ANK2: variants seen among roughly 807,000 people sequenced by gnomAD.
ANK2 encodes the protein ankyrin-2.
In ANK2, 83 loss-of-function variants were observed where a neutral mutation model predicts 360.5. That is an observed-to-expected ratio of 0.23 (90% CI 0.19 to 0.28). The LOEUF is 0.28. Ranked by LOEUF, ANK2 falls within the 10% of genes least tolerant of loss-of-function variation. ANK2 has a pLI of 1.00. For synonymous variants in ANK2, 1,740 were observed against 1,759.5 expected, an observed-to-expected ratio of 0.99 and a Z score of 0.28; for missense variants, 4,201 against 4,795.7, an observed-to-expected ratio of 0.88 and a Z score of 3.66.
rs2097176233 is a variant in ANK2, at chr4:113,381,674, A to T, written c.*203A>T. 4 of 1,536,596 alleles carry T rather than the reference A, an allele frequency of 2.6e-6. No individual in the cohort carries two copies. Among genetic ancestry groups the T allele is most frequent in the Non-Finnish European group, 3.5e-6 (4 of 1,144,586 alleles). The stretch of plus-strand genomic sequence containing the variant: ...CCAGTTCTCACACCAGAAACCACAC[A>T]TTCACTCAATATGCAGCTTCCTGTT... On this transcript the variant is annotated 3_prime_UTR_variant, in exon 46 of 46. Coordinates refer to ENST00000357077, the MANE Select transcript of ANK2 (RefSeq NM_001148.6).
At chr4:113,175,174 G>A (rs1012637675) in intron 2 of ANK2, among the ~76,000 whole-genome samples, 1 of 152,146 alleles carries the variant, frequency 6.6e-6, no homozygotes, top group Non-Finnish European at 1.5e-5. Context: ...TGTGTTGTGT[G>A]TATGTGTTTG....
chr4:113,287,546 A>T, intron 18 of ANK2, 59 bp from the exon 19 acceptor site: 4 of 1,221,932 alleles, frequency 3.3e-6, no homozygotes, highest in Non-Finnish European at 4.8e-6. Context: ...ATAATATTAT[A>T]GATGATGCAA....
chr4:113,318,001 G>T (rs2083850678), intron 25 of ANK2, among the ~76,000 whole-genome samples, 192 bp downstream of exon 25: 1 of 152,124 alleles, frequency 6.6e-6, no homozygotes, highest in South Asian at 2.1e-4. Context: ...AATGAGCAGT[G>T]TTTTTCTGAA....
intron 2 of ANK2, among the ~76,000 whole-genome samples, chr4:112,947,115 T>C (rs562475590): frequency 6.6e-6 from 1 of 152,352 alleles, no homozygotes; most frequent in South Asian, 2.1e-4. Flanking sequence ...TCACATAATA[T>C]TTTATTCTCT....
chr4:112,841,096 C>T (rs2061991703), intron 1 of ANK2, among the ~76,000 whole-genome samples: 1 of 152,142 alleles, frequency 6.6e-6, no homozygotes, highest in African/African-American at 2.4e-5. Context: ...GAAATTACAC[C>T]CTTCCCTTTG....
chr4:113,225,691 C>T (rs1239760845), intron 4 of ANK2, among the ~76,000 whole-genome samples: 1 of 152,102 alleles, frequency 6.6e-6, no homozygotes, highest in Non-Finnish European at 1.5e-5. Flanking sequence ...TTTGAAATGA[C>T]TTATAAATAT....
chr4:112,756,225 G>A, the ANK2 span, among the ~76,000 whole-genome samples: 3 of 145,414 alleles, frequency 2.1e-5, no homozygotes, highest in South Asian at 6.3e-4. Context: ...GTGACAGAGT[G>A]AGACTCTGTC....
chr4:113,147,964 T>G (rs962687701), intron 1 of ANK2, among the ~76,000 whole-genome samples: 2 of 152,204 alleles, frequency 1.3e-5, no homozygotes, highest in Non-Finnish European at 2.9e-5. Flanking sequence ...TCTCATTATT[T>G]TTCCATGTTC....
chr4:113,192,979 T>C (rs1025156337), intron 2 of ANK2, among the ~76,000 whole-genome samples: 1 of 148,866 alleles, frequency 6.7e-6, no homozygotes, highest in Non-Finnish European at 1.5e-5. Context: ...AAAAGATCAG[T>C]GGCCAAAAAG....
At chr4:112,921,146 C>G (rs1374110252) in intron 2 of ANK2, among the ~76,000 whole-genome samples, 1 of 148,472 alleles carries the variant, frequency 6.7e-6, no homozygotes, top group Non-Finnish European at 1.5e-5. Context: ...CTCATCTCAG[C>G]CTTCCAAGTA....
At chr4:112,810,153 ATATATATTTTTTTT>A in the ANK2 span, among the ~76,000 whole-genome samples, 39 of 23,500 alleles carry the variant, frequency 1.7e-3, no homozygotes, top group African/African-American at 5.2e-3. Context: ...ATATATATAT[ATATATATTTTTTTT>A]TTTTTTTTTT....
intron 2 of ANK2, among the ~76,000 whole-genome samples, chr4:112,942,777 C>T (rs1416626132): frequency 6.6e-6 from 1 of 151,470 alleles, no homozygotes; most frequent in Non-Finnish European, 1.5e-5. Context: ...TTATTTGTAT[C>T]GACTTTAGTC....
In ANK2 at chr4:113,274,551, A is replaced by G. The variant is rs1396114703; in HGVS notation, c.1585A>G (p.Asn529Asp). Residue 529 changes from asparagine (N) to aspartate (D), a missense_variant, in exon 15 of 46, where the codon AAT (asparagine) becomes GAT (aspartate). This residue lies in a region of ANK2 where 1,268 missense variants were observed against 1,650.8 expected (regional missense o/e 0.77). Coordinates refer to ENST00000357077, the MANE Select transcript of ANK2 (RefSeq NM_001148.6). Reference sequence around the variant, plus strand: ...GGCTCATCCAGATGCGGCCACTACAAATGGGTACACACCACTGCACATCTC... The same window carrying G: ...GGCTCATCCAGATGCGGCCACTACAGATGGGTACACACCACTGCACATCTC... ...HMAHPDAATT[N>D]GYTPLHISAR... The G allele has an allele frequency of 1.9e-6, 3 of 1,614,054 alleles. No homozygotes were observed. The highest frequency in any genetic ancestry group is 1.3e-5 in the African/African-American group (1 of 74,912).
At chr4:112,872,460 C>T (rs1211489894) in intron 1 of ANK2, among the ~76,000 whole-genome samples, 1 of 152,118 alleles carries the variant, frequency 6.6e-6, no homozygotes, top group Non-Finnish European at 1.5e-5. Context: ...GCCTCAGCCT[C>T]CCGAGTAGCT....
intron 1 of ANK2, among the ~76,000 whole-genome samples, chr4:113,120,032 T>C (rs1434958399): frequency 6.6e-6 from 1 of 152,160 alleles, no homozygotes; most frequent in East Asian, 1.9e-4. Context: ...CAATATATAC[T>C]AAGAGATCTA....
At chr4:112,760,336 G>A in the ANK2 span, among the ~76,000 whole-genome samples, 1 of 151,882 alleles carries the variant, frequency 6.6e-6, no homozygotes, top group African/African-American at 2.4e-5. Flanking sequence ...ACAGGCGCCT[G>A]CTACCACGCC....
At chr4:113,106,660 G>A (rs190989037) in intron 1 of ANK2, among the ~76,000 whole-genome samples, 9 of 152,260 alleles carry the variant, frequency 5.9e-5, no homozygotes, top group Non-Finnish European at 1.0e-4. Context: ...AGTTCCTACC[G>A]TGTGGTTGTA....
At chr4:113,308,095 G>GA (rs34953623) in intron 23 of ANK2, among the ~76,000 whole-genome samples, 1 of 152,022 alleles carries the variant, frequency 6.6e-6, no homozygotes, top group Non-Finnish European at 1.5e-5. Flanking sequence ...TAAGTAAGTT[G>GA]AAAAAAAGAA....
chr4:113,258,564 A>G (rs940595324), intron 13 of ANK2, among the ~76,000 whole-genome samples, 153 bp downstream of exon 13: 21 of 152,166 alleles, frequency 1.4e-4, no homozygotes, highest in African/African-American at 4.6e-4. Flanking sequence ...TGAAATAATC[A>G]CCAGAACTTC....
Sources: allele counts gnomAD v4.1 joint callset (sites outside exome capture counted in the v4.1 genomes callset), GRCh38; gene constraint gnomAD v4.1.1; regional missense constraint gnomAD v4.1.1; transcripts MANE v1.5; gene names NCBI Gene and HGNC (gene_info 2026-07-23, HGNC 2026-07-21).